RFPL1: variants seen among roughly 807,000 people sequenced by gnomAD.
RFPL1 encodes ret finger protein-like 1.
A neutral mutation model predicts 9.6 loss-of-function variants in RFPL1; 6 were observed. The ratio of observed to expected loss-of-function variants is 0.62; its 90% CI spans 0.34 to 1.23. The LOEUF (loss-of-function observed/expected upper bound fraction) is 1.23. Among genes scored for constraint, RFPL1 ranks in the 50% most tolerant of loss-of-function variants. The pLI is 0.03. For synonymous variants in RFPL1, 145 were observed against 149.4 expected, an observed-to-expected ratio of 0.97 and a Z score of 0.22; for missense variants, 352 against 398.4, an observed-to-expected ratio of 0.88 and a Z score of 0.99.
chr22:29,435,045 C>T (rs2062802126), upstream of RFPL1: 1 of 152,198 alleles, frequency 6.6e-6, no homozygotes, highest in Non-Finnish European at 1.5e-5. Flanking sequence ...TCACTTTATG[C>T]TCAATGCAAG....
the RFPL1 span, among the ~76,000 whole-genome samples, chr22:29,420,633 GCTTTTTTTTTTTT>G: frequency 1.6e-3 from 32 of 20,394 alleles, 1 homozygote; most frequent in Non-Finnish European, 8.7e-5. Flanking sequence ...ATGGTTTTTT[GCTTTTTTTTTTTT>G]TTTTTTTTTT....
chr22:29,398,756 A>G, the RFPL1 span, among the ~76,000 whole-genome samples: 1 of 152,360 alleles, frequency 6.6e-6, no homozygotes, highest in East Asian at 1.9e-4. Flanking sequence ...TCTCCCGTGT[A>G]GCTAGGTATG....
the RFPL1 span, among the ~76,000 whole-genome samples, chr22:29,422,404 C>T: frequency 3.9e-4 from 60 of 152,278 alleles, no homozygotes; most frequent in Non-Finnish European, 7.1e-4. Flanking sequence ...TATGGAGAAA[C>T]GCCATCTCTA....
At chr22:29,428,099 C>G in the RFPL1 span, among the ~76,000 whole-genome samples, 2 of 152,202 alleles carry the variant, frequency 1.3e-5, no homozygotes, top group African/African-American at 4.8e-5. Context: ...TCTTCAGCCT[C>G]TCAGCCTCCT....
the RFPL1 span, among the ~76,000 whole-genome samples, chr22:29,397,007 C>T: frequency 2.7e-5 from 4 of 150,586 alleles, no homozygotes; most frequent in Middle Eastern, 3.4e-3. Flanking sequence ...CCCGGGTTCA[C>T]GCCATTCTCC....
the RFPL1 span, among the ~76,000 whole-genome samples, chr22:29,418,746 C>G: frequency 6.6e-6 from 1 of 152,132 alleles, no homozygotes; most frequent in African/African-American, 2.4e-5. Context: ...GATCCGCCCA[C>G]CTGGGCCTCC....
the RFPL1 span, among the ~76,000 whole-genome samples, chr22:29,411,962 C>A: frequency 8.5e-5 from 13 of 152,278 alleles, no homozygotes; most frequent in Middle Eastern, 3.4e-3. Context: ...GTGATCCCCC[C>A]ACCTCAGTTG....
the RFPL1 span, among the ~76,000 whole-genome samples, chr22:29,399,994 C>CTTTTTT: frequency 1.6e-4 from 19 of 116,270 alleles, no homozygotes; most frequent in Non-Finnish European, 2.4e-4. Context: ...CTTTTCTTTT[C>CTTTTTT]TTTTTTTTTT....
chr22:29,395,665 G>A, the RFPL1 span, among the ~76,000 whole-genome samples: 6 of 152,246 alleles, frequency 3.9e-5, no homozygotes, highest in Middle Eastern at 0.01. Flanking sequence ...ACCCTCCGCC[G>A]ATGCATCGAA....
the RFPL1 span, among the ~76,000 whole-genome samples, chr22:29,410,372 CTA>C: frequency 0.32 from 18,877 of 58,924 alleles, 3,548 homozygotes; most frequent in African/African-American, 0.4. Flanking sequence ...ATATATATAT[CTA>C]TATATATAGA....
chr22:29,389,101 C>T, the RFPL1 span, among the ~76,000 whole-genome samples: 1 of 152,102 alleles, frequency 6.6e-6, no homozygotes, highest in African/African-American at 2.4e-5. Context: ...ATTGCTCAGG[C>T]TGGTCTCGAA....
chr22:29,407,714 T>C, the RFPL1 span, among the ~76,000 whole-genome samples: 1 of 152,188 alleles, frequency 6.6e-6, no homozygotes, highest in African/African-American at 2.4e-5. Flanking sequence ...TATTCCTTTA[T>C]TATTTACTAT....
At chr22:29,410,149 C>T in the RFPL1 span, among the ~76,000 whole-genome samples, 3 of 149,318 alleles carry the variant, frequency 2.0e-5, no homozygotes, top group Non-Finnish European at 3.0e-5. Context: ...ATCTAATCCT[C>T]ATGGCGTTTT....
the RFPL1 span, among the ~76,000 whole-genome samples, chr22:29,401,320 CTG>C: frequency 1.3e-5 from 2 of 152,124 alleles, no homozygotes; most frequent in African/African-American, 4.8e-5. Context: ...ATTTGAGTTA[CTG>C]TGTGTGTGTT....
chr22:29,431,514 A>AT, the RFPL1 span, among the ~76,000 whole-genome samples: 1 of 152,106 alleles, frequency 6.6e-6, no homozygotes, highest in Non-Finnish European at 1.5e-5. Context: ...GATTAGAACG[A>AT]TTTTGCAGGG....
the RFPL1 span, among the ~76,000 whole-genome samples, chr22:29,428,143 C>G: frequency 0.15 from 22,508 of 152,096 alleles, 3,819 homozygotes; most frequent in African/African-American, 0.38. Context: ...ACAGCCCTGT[C>G]CCCTAAGAAA....
chr22:29,406,529 T>C, the RFPL1 span, among the ~76,000 whole-genome samples: 1 of 152,200 alleles, frequency 6.6e-6, no homozygotes. Context: ...TCTTGGTGAC[T>C]TGGATCTGCT....
At chr22:29,441,725 T>G in exon 2 of RFPL1, 2 of 1,613,802 alleles carry the variant, frequency 1.2e-6, no homozygotes, top group Non-Finnish European at 1.7e-6. Context: ...GAGGTGGACG[T>G]GGGAACAAGC....
At chr22:29,416,000 T>C in the RFPL1 span, among the ~76,000 whole-genome samples, 5 of 152,306 alleles carry the variant, frequency 3.3e-5, no homozygotes, top group African/African-American at 1.2e-4. Context: ...CCCTGGGGCA[T>C]TGGAGACACC....
Sources: allele counts gnomAD v4.1 joint callset (sites outside exome capture counted in the v4.1 genomes callset), GRCh38; gene constraint gnomAD v4.1.1; transcripts MANE v1.5; gene names NCBI Gene and HGNC (gene_info 2026-07-23, HGNC 2026-07-21).